The following INPP4A variants were observed in gnomAD, a reference collection of about 807,000 sequenced individuals.
INPP4A encodes inositol polyphosphate-4-phosphatase type I A.
A neutral mutation model predicts 119.8 loss-of-function variants in INPP4A; 33 were observed. The observed-to-expected ratio is 0.28, with a 90% CI of 0.21 to 0.37. The LOEUF (loss-of-function observed/expected upper bound fraction) is 0.37. Ranked by LOEUF, INPP4A falls within the 10% of genes least tolerant of loss-of-function variation. INPP4A has a pLI of 1.00. For missense variants in INPP4A, 956 were observed against 1,289.9 expected (o/e 0.74, Z 3.97); for synonymous variants, 496 against 500.7 (o/e 0.99, Z 0.12).
Position 98,572,875 on chromosome 2 carries a change from A to G in INPP4A, c.2579A>G (p.Asn860Ser). ...GAGCTGCTGCGGTTTCTGGGTCAGA[A>G]CGTGCATGCCCGGAAGAATAAGAAC... Reference protein sequence around the residue: ...LPELLRFLGQNVHARKNKNVD... With the variant: ...LPELLRFLGQSVHARKNKNVD... The change falls in exon 23 of 25, where the codon AAC (asparagine) becomes AGC (serine). Residue 860 changes from asparagine to serine, a missense_variant. Physicochemically the swap from Asn to Ser is conservative, Grantham distance 46. Transcript: ENST00000409851. 1 of 1,580,944 alleles carries G rather than the reference A, an allele frequency of 6.3e-7. No homozygotes were observed. The highest frequency in any genetic ancestry group is 8.6e-7 in the Non-Finnish European group (1 of 1,163,520).
chr2:98,480,158 T>C (rs768087297), intron 1 of INPP4A, among the ~76,000 whole-genome samples: 3 of 152,226 alleles, frequency 2.0e-5, no homozygotes, highest in Non-Finnish European at 2.9e-5. Context: ...TCTCAGCCTC[T>C]GCTGAAACTA....
intron 1 of INPP4A, among the ~76,000 whole-genome samples, chr2:98,511,728 A>G (rs1219033065): frequency 6.6e-6 from 1 of 152,138 alleles, no homozygotes; most frequent in Non-Finnish European, 1.5e-5. Context: ...CAGGCGAGGA[A>G]ACTGATGCAC....
chr2:98,461,587 A>G (rs1318549091), intron 1 of INPP4A, among the ~76,000 whole-genome samples: 1 of 152,266 alleles, frequency 6.6e-6, no homozygotes, highest in Non-Finnish European at 1.5e-5. Flanking sequence ...ATTGTAAAAT[A>G]TAGCAGGATA....
Position 98,520,584 on chromosome 2 carries a change from TTTG to T in INPP4A, c.107-93_107-91del, listed in dbSNP as rs139912008. ...AAAGAAATTGTCTTGCATGGCAGTT[TTTG>T]TTGTTGTTGGGGGGAAGTAGAGGGT... On this transcript the variant is annotated intron_variant, in intron 3 of 24. Coordinates refer to ENST00000409851, the MANE Select transcript of INPP4A (RefSeq NM_001134225.2). 1,134 of 734,218 alleles carry T rather than the reference TTTG, an allele frequency of 1.5e-3. 12 individuals are homozygous for T. The African/African-American group carries it at 0.017, about 11-fold the overall frequency. The allele number at this position is 734,218 out of a possible 1,614,324, so 45.5% of individuals were successfully genotyped here.
rs114087831 is a variant in INPP4A at position 98,590,463 on chromosome 2, A to G, written c.*2855A>G. On this transcript the variant is annotated 3_prime_UTR_variant, in exon 25 of 25. Transcript: ENST00000409851. ...GACCTCTCCAAGCCTCCGTTTCCTC[A>G]TGTGCAAAGTGTGGACAACAACAGT... 603 of 190,198 alleles carry G rather than the reference A, an allele frequency of 3.2e-3. 4 individuals are homozygous for G. Among genetic ancestry groups the G allele is most frequent in the African/African-American group, 0.013 (562 of 43,000 alleles). The allele number at this position is 190,198 out of a possible 1,614,324, so 11.8% of individuals were successfully genotyped here. A position where few individuals can be genotyped will look rare whatever the true frequency, so the allele number is the denominator to read the frequency against.
intron 1 of INPP4A, among the ~76,000 whole-genome samples, chr2:98,494,619 T>G (rs1340193185): frequency 6.7e-6 from 1 of 149,954 alleles, no homozygotes; most frequent in Non-Finnish European, 1.5e-5. Context: ...AGCCTAAGGG[T>G]GTTCTAAAAA....
At chr2:98,448,397 A>G (rs1300504794) in intron 1 of INPP4A, among the ~76,000 whole-genome samples, 1 of 151,844 alleles carries the variant, frequency 6.6e-6, no homozygotes. Context: ...TGTTGATATA[A>G]CACTATTTAG....
rs149994808 is a variant in INPP4A, at chr2:98,555,537, C to T, written c.1567-16C>T. The T allele has an allele frequency of 1.0e-3, 1,644 of 1,582,872 alleles. 2 individuals are homozygous for T. The highest frequency in any genetic ancestry group is 2.0e-3 in the Middle Eastern group (12 of 5,916). On this transcript the variant is annotated splice_polypyrimidine_tract_variant and intron_variant, in intron 15 of 24. Coordinates refer to ENST00000409851, the MANE Select transcript of INPP4A (RefSeq NM_001134225.2). Reference sequence around the variant, plus strand: ...TTCGGGAGAGCTGACCCACATGGGCCCCTTTGATTTGGAAGGAGAAAGTGT... The same window carrying T: ...TTCGGGAGAGCTGACCCACATGGGCTCCTTTGATTTGGAAGGAGAAAGTGT...
At chr2:98,503,547 T>C (rs1683516239) in intron 1 of INPP4A, among the ~76,000 whole-genome samples, 1 of 152,232 alleles carries the variant, frequency 6.6e-6, no homozygotes, top group Non-Finnish European at 1.5e-5. Flanking sequence ...GCATGGGGCA[T>C]GCATCTCATT....
chr2:98,570,275 A>G lies in INPP4A; in HGVS notation c.2518+1607A>G, dbSNP rs1481013166. On this transcript the variant is annotated intron_variant, in intron 22 of 24. Transcript: ENST00000409851. This position sits in a 1 kb window ranked among gnomAD's most constrained non-coding sequence, Gnocchi z 4.3. ...CTTTGGTGGTTGAGGCCACTGAGTG[A>G]CAAGACGAGAAGGGGCTGGAACAGC... Among the ~76,000 whole-genome samples, 1 of 152,224 alleles carries G rather than the reference A, an allele frequency of 6.6e-6. No homozygotes were observed. The highest frequency in any genetic ancestry group is 2.4e-5 in the African/African-American group (1 of 41,450).
intron 1 of INPP4A, among the ~76,000 whole-genome samples, chr2:98,506,327 C>T (rs988813762): frequency 2.0e-5 from 3 of 152,258 alleles, no homozygotes; most frequent in Non-Finnish European, 4.4e-5. Flanking sequence ...CCTTTAGGTC[C>T]TACTTCTGCT....
intron 1 of INPP4A, among the ~76,000 whole-genome samples, chr2:98,497,940 C>A (rs1312519732): frequency 6.6e-6 from 1 of 152,202 alleles, no homozygotes; most frequent in Non-Finnish European, 1.5e-5. Flanking sequence ...TACCTGCACC[C>A]CCATTGTATC....
intron 1 of INPP4A, among the ~76,000 whole-genome samples, chr2:98,455,702 GAC>G (rs146717074): frequency 2.0e-5 from 3 of 152,284 alleles, no homozygotes; most frequent in South Asian, 2.1e-4. Flanking sequence ...ATTGGACTAA[GAC>G]ACACACACAC....
At chr2:98,578,632 T>C (rs3769702) in intron 24 of INPP4A, among the ~76,000 whole-genome samples, 29,000 of 152,232 alleles carry the variant, frequency 0.19, 3,558 homozygotes, top group Non-Finnish European at 0.28. Context: ...AAGGGCCCCA[T>C]CCGCCTGCCC....
At chr2:98,448,185 G>T (rs1413455144) in intron 1 of INPP4A, among the ~76,000 whole-genome samples, 9 of 151,232 alleles carry the variant, frequency 6.0e-5, no homozygotes, top group Admixed American at 5.9e-4. Context: ...ATGAAATACT[G>T]TCTCTACTAA....
intron 1 of INPP4A, among the ~76,000 whole-genome samples, chr2:98,453,318 A>G (rs1029412892): frequency 2.6e-5 from 4 of 152,252 alleles, no homozygotes; most frequent in East Asian, 1.9e-4. Context: ...GGGTCCACAC[A>G]GCATGTTTCA....
chr2:98,522,286 C>CAAAA (rs199634396), intron 4 of INPP4A, among the ~76,000 whole-genome samples: 12 of 55,844 alleles, frequency 2.1e-4, no homozygotes, highest in Non-Finnish European at 2.9e-4. Context: ...GACTCTGTCT[C>CAAAA]AAAAAAAAAA....
At chr2:98,458,814 A>G (rs985077127) in intron 1 of INPP4A, among the ~76,000 whole-genome samples, 1 of 152,152 alleles carries the variant, frequency 6.6e-6, no homozygotes, top group African/African-American at 2.4e-5. Flanking sequence ...TGATTTCCAC[A>G]TTGCATCTCC....
intron 1 of INPP4A, among the ~76,000 whole-genome samples, chr2:98,445,688 A>C (rs1694064925): frequency 6.6e-6 from 1 of 152,248 alleles, no homozygotes. Context: ...ACAGACGTTC[A>C]AAATGTCAGA....
Sources: allele counts gnomAD v4.1 joint callset (sites outside exome capture counted in the v4.1 genomes callset), GRCh38; gene constraint gnomAD v4.1.1; non-coding constraint Gnocchi (gnomAD v3.1); transcripts MANE v1.5; gene names NCBI Gene and HGNC (gene_info 2026-07-23, HGNC 2026-07-21).